The following PIGR variants were observed in gnomAD, a reference collection of about 807,000 sequenced individuals.
The protein encoded by PIGR is hepatocellular carcinoma associated protein TB6.
Under a neutral mutation model 69.5 loss-of-function variants are expected in PIGR, and 22 were observed. The ratio of observed to expected loss-of-function variants is 0.32; its 90% CI spans 0.23 to 0.45. The LOEUF (loss-of-function observed/expected upper bound fraction) is 0.45, where lower values mean the gene tolerates loss of function less well. PIGR is among the 20% of genes least tolerant of loss of function. The pLI, the probability that PIGR is intolerant of heterozygous loss-of-function variation, is 1.00. For synonymous variants in PIGR, 413 were observed against 407.6 expected, an observed-to-expected ratio of 1.01 and a Z score of -0.16; for missense variants, 885 against 974.0, an observed-to-expected ratio of 0.91 and a Z score of 1.22.
intron 6 of PIGR, 89 bp from the exon 7 acceptor site, chr1:206,933,255 G>T (rs533561172): frequency 2.6e-4 from 350 of 1,335,170 alleles, no homozygotes; most frequent in Middle Eastern, 1.1e-3. Flanking sequence ...ACTTCATGAG[G>T]AATCACAGGG....
rs758586547 is a variant in PIGR at position 206,934,535 on chromosome 1, G to A, written c.1590C>T (p.Thr530=). 8 of 1,614,244 alleles carry A rather than the reference G, an allele frequency of 5.0e-6. No homozygotes were observed. Among genetic ancestry groups the A allele is most frequent in the Non-Finnish European group, 6.8e-6 (8 of 1,180,044 alleles). The change falls in exon 6 of 11, where the codon ACC becomes ACT. Residue 530 remains threonine, a synonymous_variant. Transcript: ENST00000356495. ...CATCAGCCCTGGTCACCAGGTTCAG[G>A]GTCAGGGAGACAAGCCGGCTGTTCT... is the stretch of plus-strand genomic sequence containing the variant. ...CDENSRLVSL[T]LNLVTRADEG... is the part of the protein sequence containing the mutation.
chr1:206,930,988 T>C lies in PIGR; in HGVS notation c.2199+509A>G, dbSNP rs983616139. The C allele has an allele frequency of 1.0e-5, 10 of 985,426 alleles. No individual in the cohort carries two copies. Among genetic ancestry groups the C allele is most frequent in the African/African-American group, 1.7e-5 (1 of 57,360 alleles). The allele number at this position is 985,426 out of a possible 1,614,324, so 61.0% of individuals were successfully genotyped here. On this transcript the variant is annotated intron_variant, in intron 10 of 10. Transcript: ENST00000356495. This position sits in a 1 kb window ranked among gnomAD's most constrained non-coding sequence, Gnocchi z 4.3. ...TAGGGCAGATTGAGGGGATGGTATA[T>C]GGCACCCAAGGCAGGAGTTGCCTCT...
rs1164603010 is a variant in PIGR at position 206,935,873 on chromosome 1, C to T, written c.1046-55G>A. ...GGATGGCCACGCAGGAAGAGCCTTG[C>T]GTGGCCTGAGAAGCCTTCTTCCCGG... On this transcript the variant is annotated intron_variant, in intron 4 of 10. Transcript: ENST00000356495. The surrounding 1 kb of genome is among the most constrained non-coding windows in gnomAD (Gnocchi z 4.4). 5 of 1,391,080 alleles carry T rather than the reference C, an allele frequency of 3.6e-6. No homozygotes were observed. Among genetic ancestry groups the T allele is most frequent in the South Asian group, 1.4e-5 (1 of 73,694 alleles). 86.2% of individuals were successfully genotyped at this position (1,391,080 alleles called of 1,614,324 possible). A position where few individuals can be genotyped will look rare whatever the true frequency, so the allele number is the denominator to read the frequency against.
chr1:206,940,570 T>C lies in PIGR; in HGVS notation c.-39A>G. ...CGAGCGCCGCACCACTCAGGCCGAC[T>C]TCTCCTGTGCAATGCTGAAAAACAA... is the stretch of plus-strand genomic sequence containing the variant. On this transcript the variant is annotated 5_prime_UTR_variant, in exon 2 of 11. Coordinates refer to ENST00000356495, the MANE Select transcript of PIGR (RefSeq NM_002644.4). The C allele has an allele frequency of 6.5e-7, 1 of 1,542,892 alleles. No homozygotes were observed.
In PIGR at chr1:206,939,232, G is replaced by A. The variant is rs1365410670; in HGVS notation, c.275C>T (p.Thr92Ile). ...ANLTNFPENG[T>I]FVVNIAQLSQ... ...CAGCTGGGCAATGTTCACCACAAAT[G>A]TGCCGTTCTCCGGGAAGTTGGTGAG... Residue 92 changes from threonine to isoleucine, a missense_variant, in exon 3 of 11, where the codon ACA becomes ATA. Transcript: ENST00000356495. 3 of 1,614,092 alleles carry A rather than the reference G, an allele frequency of 1.9e-6. No homozygotes were observed. In the African/African-American group the frequency reaches 4.0e-5, roughly 22 times the overall value.
Position 206,935,629 on chromosome 1 carries a change from C to T in PIGR, c.1235G>A (p.Arg412His), listed in dbSNP as rs767107680. The T allele has an allele frequency of 4.3e-6, 7 of 1,613,990 alleles. No homozygotes were observed. The highest frequency in any genetic ancestry group is 2.7e-5 in the African/African-American group (2 of 74,942). The change falls in exon 5 of 11, where the codon CGC (arginine) becomes CAC (histidine). Residue 412 changes from arginine (R) to histidine (H), a missense_variant. By Grantham distance (29) the Arg-to-His change is conservative. Transcript: ENST00000356495. This position sits in a 1 kb window ranked among gnomAD's most constrained non-coding sequence, Gnocchi z 4.4. ...GCCTGGCTCCTCCAGCAGGGAGAGG[C>T]GGCCCTCGTACTGGGCCTTAACCCA... ...EGWVKAQYEG[R>H]LSLLEEPGNG...
In PIGR at chr1:206,935,207, G is replaced by A. The variant is rs1679839082; in HGVS notation, c.1378+279C>T. 6.6e-6 allele frequency among the ~76,000 whole-genome samples: 1 copy of A among 152,100 alleles called. No individual in the cohort carries two copies. The highest frequency in any genetic ancestry group is 2.1e-4 in the South Asian group (1 of 4,816). ...TTTCCTCACTCTTCCTTCTCTTCTA[G>A]ACTCAATACAAAGAGGTATCTGCAA... On this transcript the variant is annotated intron_variant, in intron 5 of 10. Transcript: ENST00000356495. This position sits in a 1 kb window ranked among gnomAD's most constrained non-coding sequence, Gnocchi z 4.4.
rs754159762 is a variant in PIGR, at chr1:206,939,420, A to G, written c.87T>C (p.Asn29=). The G allele has an allele frequency of 1.2e-6, 2 of 1,612,018 alleles. No individual in the cohort carries two copies. Among genetic ancestry groups the G allele is most frequent in the South Asian group, 2.2e-5 (2 of 91,022 alleles). The change falls in exon 3 of 11, where the codon AAT becomes AAC. Residue 29 remains asparagine (N), a synonymous_variant. Transcript: ENST00000356495. The part of the protein sequence containing the change: ...KSPIFGPEEV[N]SVEGNSVSIT... ...TGGACACTGAGTTACCTTCCACACT[A>G]TTCACCTCCTCGGGACCAAATATGG...
Position 206,937,771 on chromosome 1 carries a change from A to C in PIGR, c.389-20T>G. ...CAGGACCTGCAGGATGAGGGGTGCA[A>C]GGTAGGGGGCAGGCAAGTTACGATT... is the stretch of plus-strand genomic sequence containing the variant. On this transcript the variant is annotated intron_variant, in intron 3 of 10. Transcript: ENST00000356495. 6.2e-7 allele frequency: 1 copy of C among 1,610,804 alleles called. No individual in the cohort carries two copies. Among genetic ancestry groups the C allele is most frequent in the Non-Finnish European group, 8.5e-7 (1 of 1,178,038 alleles).
Position 206,933,125 on chromosome 1 carries a change from C to T in PIGR, c.1747G>A (p.Asp583Asn). 1 of 1,614,186 alleles carries T rather than the reference C, an allele frequency of 6.2e-7. No individual in the cohort carries two copies. The highest frequency in any genetic ancestry group is 8.5e-7 in the Non-Finnish European group (1 of 1,180,028). ...AAACCAGAGTCTAGCACCTTCTCATCAGGAGCAGCGTCTGCCTTCGCTAGG... is the reference window on the plus strand; with the variant it reads ...AAACCAGAGTCTAGCACCTTCTCATTAGGAGCAGCGTCTGCCTTCGCTAGG... The part of the protein sequence containing the change: ...VSLAKADAAP[D>N]EKVLDSGFRE... The change falls in exon 7 of 11, where the codon GAT becomes AAT. Residue 583 changes from aspartate to asparagine, a missense_variant. By Grantham distance (23) the Asp-to-Asn change is conservative (BLOSUM62 1). Transcript: ENST00000356495.
At chr1:206,941,218 G>T (rs988278962) in intron 1 of PIGR, among the ~76,000 whole-genome samples, 1 of 152,132 alleles carries the variant, frequency 6.6e-6, no homozygotes, top group Non-Finnish European at 1.5e-5. Flanking sequence ...GGGAGGAAAT[G>T]AAGGCTTCAA....
At chr1:206,940,395 A>T (rs1660262105) in intron 2 of PIGR, 94 bp downstream of exon 2, 3 of 1,194,180 alleles carry the variant, frequency 2.5e-6, no homozygotes, top group East Asian at 2.6e-5. Context: ...ATCCCTGGGG[A>T]TGAGTCTGAT....
chr1:206,940,451 G>A, intron 2 of PIGR, 38 bp downstream of exon 2: 2 of 1,546,894 alleles, frequency 1.3e-6, no homozygotes, highest in Non-Finnish European at 1.7e-6. Flanking sequence ...GCAGGCTGAA[G>A]GGGTGGAGCT....
intron 6 of PIGR, 110 bp downstream of exon 6, chr1:206,934,309 CT>C: frequency 1.1e-6 from 1 of 939,240 alleles, no homozygotes. Flanking sequence ...CTTTCAGCCT[CT>C]TACAGCCAAA....
chr1:206,937,380 T>G lies in PIGR; in HGVS notation c.760A>C (p.Thr254Pro), dbSNP rs1572645494. ...TCAGGGCCCAGGGCACAGTGGAAGGTCACTGAGCCCCTCAGGTCTTCATAA... is the reference window on the plus strand; with the variant it reads ...TCAGGGCCCAGGGCACAGTGGAAGGGCACTGAGCCCCTCAGGTCTTCATAA... ...LVYEDLRGSVTFHCALGPEVA... is the reference protein window; with the variant it reads ...LVYEDLRGSVPFHCALGPEVA... The change falls in exon 4 of 11, where the codon ACC becomes CCC. Residue 254 changes from threonine to proline, a missense_variant. By Grantham distance (38) the Thr-to-Pro change is conservative. Transcript: ENST00000356495. 1.2e-6 allele frequency: 2 copies of G among 1,613,938 alleles called. No homozygotes were observed. Among genetic ancestry groups the G allele is most frequent in the Non-Finnish European group, 1.7e-6 (2 of 1,179,870 alleles).
At chr1:206,942,285 A>C (rs1042161593) in intron 1 of PIGR, among the ~76,000 whole-genome samples, 4 of 152,196 alleles carry the variant, frequency 2.6e-5, no homozygotes, top group Non-Finnish European at 5.9e-5. Context: ...CAGCTCCAAC[A>C]TGGAAGCAAT....
At position 206,934,649 on chromosome 1, in the gene PIGR, C is replaced by T. The variant is rs1679829272; in HGVS notation, c.1476G>A (p.Glu492=). 12 of 1,614,156 alleles carry T rather than the reference C, an allele frequency of 7.4e-6. No homozygotes were observed. Among genetic ancestry groups the T allele is most frequent in the Non-Finnish European group, 1.0e-5 (12 of 1,180,014 alleles). ...CHFPCKFSSY[E]KYWCKWNNTG... ...TGTTATTCCACTTGCACCAGTATTTCTCGTACGAGGAGAATTTGCATGGAA... is the reference window on the plus strand; with the variant it reads ...TGTTATTCCACTTGCACCAGTATTTTTCGTACGAGGAGAATTTGCATGGAA... The change falls in exon 6 of 11, where the codon GAG becomes GAA. Residue 492 remains glutamate, a synonymous_variant. Coordinates refer to ENST00000356495, the MANE Select transcript of PIGR (RefSeq NM_002644.4).
At position 206,937,153 on chromosome 1, in the gene PIGR, C is replaced by T. The variant is rs769400045; in HGVS notation, c.987G>A (p.Ser329=). 1.6e-5 allele frequency: 26 copies of T among 1,613,026 alleles called. No homozygotes were observed. Among genetic ancestry groups the T allele is most frequent in the East Asian group, 1.6e-4 (7 of 44,892 alleles). ...DAGRYLCGAH[S]DGQLQEGSPI... is the part of the protein sequence containing the mutation. Reference sequence around the variant, plus strand: ...GCGAGCCTTCCTGCAGCTGACCATCCGAATGGGCTCCACACAGGTAGCGCC... The same window carrying T: ...GCGAGCCTTCCTGCAGCTGACCATCTGAATGGGCTCCACACAGGTAGCGCC... Residue 329 remains serine (S), a synonymous_variant, in exon 4 of 11, where the codon TCG becomes TCA. Transcript: ENST00000356495.
intron 3 of PIGR, among the ~76,000 whole-genome samples, chr1:206,938,706 G>A (rs1371044905): frequency 6.6e-6 from 1 of 152,066 alleles, no homozygotes; most frequent in African/African-American, 2.4e-5. Context: ...TTTACAAGAA[G>A]CCTTTTGGCG....
Sources: gnomAD v4.1 joint callset for allele counts (sites outside exome capture counted in the v4.1 genomes callset) on GRCh38, gnomAD v4.1.1 for gene constraint, Gnocchi (gnomAD v3.1) non-coding constraint, MANE v1.5 for transcripts, NCBI Gene and HGNC (gene_info 2026-07-23, HGNC 2026-07-21) for gene names.